The following H1-4 variants were observed in gnomAD, a reference collection of about 807,000 sequenced individuals.
H1-4 encodes histone H1.4.
A neutral mutation model predicts 7.2 loss-of-function variants in H1-4; 9 were observed. The observed-to-expected ratio is 1.25, with a 90% confidence interval of 0.75 to 2.18. The LOEUF is 2.18. Ranked by LOEUF, H1-4 falls within the 30% of genes most tolerant of loss-of-function variation. The pLI, the probability that H1-4 is intolerant of heterozygous loss-of-function variation, is 0.00. For missense variants in H1-4, 646 were observed against 287.9 expected (o/e 2.24, Z -9.00); for synonymous variants, 318 against 126.6 (o/e 2.51, Z -10.15).
Position 26,156,775 on chromosome 6 carries a change from A to G in H1-4, c.385A>G (p.Lys129Glu). 1 of 1,613,144 alleles carries G rather than the reference A, an allele frequency of 6.2e-7. No individual in the cohort carries two copies. The highest frequency in any genetic ancestry group is 1.3e-5 in the African/African-American group (1 of 75,048). ...TAAAAAGGCAGGCGCGGCCAAGGCC[A>G]AGAAGCCAGCAGGAGCGGCGAAGAA... Reference protein sequence around the residue: ...KAKKAGAAKAKKPAGAAKKPK... With the variant: ...KAKKAGAAKAEKPAGAAKKPK... Residue 129 changes from lysine to glutamate, a missense_variant, in exon 1 of 1, where the codon AAG (lysine) becomes GAG (glutamate). Transcript: ENST00000304218.
Position 26,156,523 on chromosome 6 carries a change from A to G in H1-4, c.133A>G (p.Thr45Ala), listed in dbSNP as rs951047896. The G allele has an allele frequency of 3.1e-6, 5 of 1,614,050 alleles. No individual in the cohort carries two copies. Among genetic ancestry groups the G allele is most frequent in the South Asian group, 1.1e-5 (1 of 91,084 alleles). Residue 45 changes from threonine (T) to alanine (A), a missense_variant, in exon 1 of 1, where the codon ACT (threonine) becomes GCT (alanine). Physicochemically the swap from Thr to Ala is moderately conservative, Grantham distance 58. Transcript: ENST00000304218. ...TGGGCCCCCGGTGTCCGAGCTCATT[A>G]CTAAAGCTGTTGCCGCCTCCAAGGA... Reference protein sequence around the residue: ...ASGPPVSELITKAVAASKERS... With the variant: ...ASGPPVSELIAKAVAASKERS...
chr6:26,156,406 C>T lies in H1-4; in HGVS notation c.16C>T (p.Pro6Ser). Residue 6 changes from proline to serine, a missense_variant, in exon 1 of 1, where the codon CCT (proline) becomes TCT (serine). By Grantham distance (74) the Pro-to-Ser change is moderately conservative. Coordinates refer to ENST00000304218, the MANE Select transcript of H1-4 (RefSeq NM_005321.3). ...TGCCTTCAACATGTCCGAGACTGCG[C>T]CTGCCGCGCCCGCTGCTCCGGCCCC... is the stretch of plus-strand genomic sequence containing the variant. Reference protein sequence around the residue: MSETAPAAPAAPAPAE... With the variant: MSETASAAPAAPAPAE... 1 of 1,586,964 alleles carries T rather than the reference C, an allele frequency of 6.3e-7. No individual in the cohort carries two copies. Among genetic ancestry groups the T allele is most frequent in the Non-Finnish European group, 8.6e-7 (1 of 1,166,396 alleles).
In H1-4 at chr6:26,156,745, A is replaced by G; in HGVS notation, c.355A>G (p.Lys119Glu). 6.2e-7 allele frequency: 1 copy of G among 1,614,002 alleles called. No individual in the cohort carries two copies. The change falls in exon 1 of 1, where the codon AAG becomes GAG. Residue 119 changes from lysine to glutamate, a missense_variant. Coordinates refer to ENST00000304218, the MANE Select transcript of H1-4 (RefSeq NM_005321.3). ...GGCGGCCTCTGGGGAAGCCAAGCCT[A>G]AGGCTAAAAAGGCAGGCGCGGCCAA... ...KKAASGEAKP[K>E]AKKAGAAKAK... is the part of the protein sequence containing the mutation.
rs1337544582 is a variant in H1-4, at chr6:26,156,732, G to C, written c.342G>C (p.Gly114=). The change falls in exon 1 of 1, where the codon GGG becomes GGC. Residue 114 remains glycine, a synonymous_variant. Coordinates refer to ENST00000304218, the MANE Select transcript of H1-4 (RefSeq NM_005321.3). The part of the protein sequence containing the change: ...SFKLNKKAAS[G]EAKPKAKKAG... ...AACTCAACAAGAAGGCGGCCTCTGG[G>C]GAAGCCAAGCCTAAGGCTAAAAAGG... The C allele has an allele frequency of 4.3e-6, 7 of 1,614,002 alleles. No homozygotes were observed. Among genetic ancestry groups the C allele is most frequent in the African/African-American group, 1.3e-5 (1 of 74,930 alleles).
At position 26,156,362 on chromosome 6, in the gene H1-4, A is replaced by G. The variant is rs768801627; in HGVS notation, c.-29A>G. The G allele has an allele frequency of 8.5e-6, 13 of 1,521,448 alleles. No homozygotes were observed. The Admixed American group carries it at 1.1e-4, about 13-fold the overall frequency. 94.2% of individuals were successfully genotyped at this position (1,521,448 alleles called of 1,614,324 possible). A position where few individuals can be genotyped will look rare whatever the true frequency, so the allele number is the denominator to read the frequency against. On this transcript the variant is annotated 5_prime_UTR_variant, in exon 1 of 1. Coordinates refer to ENST00000304218, the MANE Select transcript of H1-4 (RefSeq NM_005321.3). Reference sequence around the variant, plus strand: ...GGCCAGTGCCTCTGCTTCCGGCTCGAATTGCTCTCGCTCACGCTTGCCTTC... The same window carrying G: ...GGCCAGTGCCTCTGCTTCCGGCTCGGATTGCTCTCGCTCACGCTTGCCTTC...
rs1047740849 is a variant in H1-4 at position 26,156,550 on chromosome 6, C to A, written c.160C>A (p.Arg54Ser). 6.2e-7 allele frequency: 1 copy of A among 1,614,130 alleles called. No individual in the cohort carries two copies. Among genetic ancestry groups the A allele is most frequent in the Non-Finnish European group, 8.5e-7 (1 of 1,180,016 alleles). Residue 54 changes from arginine to serine, a missense_variant, in exon 1 of 1, where the codon CGC (arginine) becomes AGC (serine). By Grantham distance (110) the Arg-to-Ser change is moderately radical. Coordinates refer to ENST00000304218, the MANE Select transcript of H1-4 (RefSeq NM_005321.3). ...ITKAVAASKE[R>S]SGVSLAALKK... ...TAAAGCTGTTGCCGCCTCCAAGGAG[C>A]GCAGCGGCGTATCTTTGGCCGCTCT...
rs760832501 is a variant in H1-4, at chr6:26,156,831, CAAG to C, written c.446_448del (p.Lys149del). Reference sequence around the variant, plus strand: ...AGAAGGCGACGGGGGCGGCCACCCCCAAGAAGAGCGCCAAGAAGACCCCAAAGA... The same window carrying C: ...AGAAGGCGACGGGGGCGGCCACCCCCAAGAGCGCCAAGAAGACCCCAAAGA... On this transcript the variant is annotated inframe_deletion, in exon 1 of 1. Transcript: ENST00000304218. 8 of 1,606,552 alleles carry C rather than the reference CAAG, an allele frequency of 5.0e-6. No homozygotes were observed. Among genetic ancestry groups the C allele is most frequent in the East Asian group, 4.5e-5 (2 of 44,558 alleles).
In H1-4 at chr6:26,156,372, G is replaced by C. The variant is rs774751617; in HGVS notation, c.-19G>C. The C allele has an allele frequency of 1.3e-5, 20 of 1,533,320 alleles. No homozygotes were observed. The highest frequency in any genetic ancestry group is 1.6e-5 in the Non-Finnish European group (18 of 1,145,128). 95.0% of individuals were successfully genotyped at this position (1,533,320 alleles called of 1,614,324 possible). A position where few individuals can be genotyped will look rare whatever the true frequency, so the allele number is the denominator to read the frequency against. ...TCTGCTTCCGGCTCGAATTGCTCTC[G>C]CTCACGCTTGCCTTCAACATGTCCG... On this transcript the variant is annotated 5_prime_UTR_variant, in exon 1 of 1. Coordinates refer to ENST00000304218, the MANE Select transcript of H1-4 (RefSeq NM_005321.3).
rs568463058 is a variant in H1-4, at chr6:26,156,764, C to T, written c.374C>T (p.Ala125Val). The T allele has an allele frequency of 2.5e-5, 40 of 1,613,372 alleles. No homozygotes were observed. The highest frequency in any genetic ancestry group is 1.7e-4 in the Middle Eastern group (1 of 5,976). Residue 125 changes from alanine (A) to valine (V), a missense_variant, in exon 1 of 1, where the codon GCG becomes GTG. Physicochemically the swap from Ala to Val is moderately conservative, Grantham distance 64 (BLOSUM62 0). Transcript: ENST00000304218. ...EAKPKAKKAG[A>V]AKAKKPAGAA... ...AAGCCTAAGGCTAAAAAGGCAGGCG[C>T]GGCCAAGGCCAAGAAGCCAGCAGGA...
chr6:26,157,014 A>G lies in H1-4; in HGVS notation c.624A>G (p.Ala208=), dbSNP rs111653697. 1 of 1,587,068 alleles carries G rather than the reference A, an allele frequency of 6.3e-7. No individual in the cohort carries two copies. The highest frequency in any genetic ancestry group is 1.4e-5 in the African/African-American group (1 of 72,958). Residue 208 remains alanine (A), a synonymous_variant, in exon 1 of 1, where the codon GCA becomes GCG. Transcript: ENST00000304218. ...AACCAAAGACCGCCAAGCCCAAGGC[A>G]GCCAAGCCAAAGAAGGCGGCAGCCA... ...AAKPKTAKPK[A]AKPKKAAAKK... is the part of the protein sequence containing the mutation.
Position 26,156,360 on chromosome 6 carries a change from C to T in H1-4, c.-31C>T, listed in dbSNP as rs779960268. 23 of 1,518,314 alleles carry T rather than the reference C, an allele frequency of 1.5e-5. No homozygotes were observed. The highest frequency in any genetic ancestry group is 6.8e-5 in the East Asian group (3 of 44,090). 94.1% of individuals were successfully genotyped at this position (1,518,314 alleles called of 1,614,324 possible). On this transcript the variant is annotated 5_prime_UTR_variant, in exon 1 of 1. Transcript: ENST00000304218. Reference sequence around the variant, plus strand: ...CCGGCCAGTGCCTCTGCTTCCGGCTCGAATTGCTCTCGCTCACGCTTGCCT... The same window carrying T: ...CCGGCCAGTGCCTCTGCTTCCGGCTTGAATTGCTCTCGCTCACGCTTGCCT...
rs141942142 is a variant in H1-4 at position 26,156,530 on chromosome 6, C to A, written c.140C>A (p.Ala47Asp). Residue 47 changes from alanine (A) to aspartate (D), a missense_variant, in exon 1 of 1, where the codon GCT (alanine) becomes GAT (aspartate). Physicochemically the swap from Ala to Asp is moderately radical, Grantham distance 126. Coordinates refer to ENST00000304218, the MANE Select transcript of H1-4 (RefSeq NM_005321.3). ...GPPVSELITK[A>D]VAASKERSGV... ...CCGGTGTCCGAGCTCATTACTAAAGCTGTTGCCGCCTCCAAGGAGCGCAGC... is the reference window on the plus strand; with the variant it reads ...CCGGTGTCCGAGCTCATTACTAAAGATGTTGCCGCCTCCAAGGAGCGCAGC... 1 of 1,614,076 alleles carries A rather than the reference C, an allele frequency of 6.2e-7. No homozygotes were observed. The highest frequency in any genetic ancestry group is 1.7e-5 in the Admixed American group (1 of 60,024).
rs147799648 is a variant in H1-4 at position 26,156,996 on chromosome 6, G to A, written c.606G>A (p.Lys202=). The change falls in exon 1 of 1, where the codon AAG becomes AAA. Residue 202 remains lysine, a synonymous_variant. Coordinates refer to ENST00000304218, the MANE Select transcript of H1-4 (RefSeq NM_005321.3). ...TTAAACCCAAGGCGGCTAAACCAAAGACCGCCAAGCCCAAGGCAGCCAAGC... is the reference window on the plus strand; with the variant it reads ...TTAAACCCAAGGCGGCTAAACCAAAAACCGCCAAGCCCAAGGCAGCCAAGC... The part of the protein sequence containing the change: ...KAVKPKAAKP[K]TAKPKAAKPK... 4.7e-4 allele frequency: 753 copies of A among 1,604,222 alleles called. 3 individuals are homozygous for A. The highest frequency in any genetic ancestry group is 2.7e-3 in the Middle Eastern group (15 of 5,640).
In H1-4 at chr6:26,156,374, T is replaced by C; in HGVS notation, c.-17T>C. Reference sequence around the variant, plus strand: ...TGCTTCCGGCTCGAATTGCTCTCGCTCACGCTTGCCTTCAACATGTCCGAG... The same window carrying C: ...TGCTTCCGGCTCGAATTGCTCTCGCCCACGCTTGCCTTCAACATGTCCGAG... On this transcript the variant is annotated 5_prime_UTR_variant, in exon 1 of 1. Coordinates refer to ENST00000304218, the MANE Select transcript of H1-4 (RefSeq NM_005321.3). The C allele has an allele frequency of 6.5e-7, 1 of 1,536,796 alleles. No homozygotes were observed. The highest frequency in any genetic ancestry group is 8.7e-7 in the Non-Finnish European group (1 of 1,146,470).
chr6:26,156,929 A>C lies in H1-4; in HGVS notation c.539A>C (p.Lys180Thr), dbSNP rs748266271. Residue 180 changes from lysine to threonine, a missense_variant, in exon 1 of 1, where the codon AAG becomes ACG. By Grantham distance (78) the Lys-to-Thr change is moderately conservative. Transcript: ENST00000304218. ...AGCCCGAAAAAGGCGAAAGCAGCCA[A>C]GCCAAAAAAGGCGCCCAAGAGCCCA... ...AKSPKKAKAA[K>T]PKKAPKSPAK... is the part of the protein sequence containing the mutation. The C allele has an allele frequency of 4.3e-6, 7 of 1,612,250 alleles. No individual in the cohort carries two copies. Among genetic ancestry groups the C allele is most frequent in the African/African-American group, 1.3e-5 (1 of 75,006 alleles).
In H1-4 at chr6:26,157,010, AGGCAGCCAAGCCAAAGAAGGC is replaced by A. The variant is rs1764207310; in HGVS notation, c.631_651del (p.Pro211_Lys217del). The A allele has an allele frequency of 1.7e-5, 27 of 1,590,698 alleles. No individual in the cohort carries two copies. Among genetic ancestry groups the A allele is most frequent in the Non-Finnish European group, 2.3e-5 (27 of 1,174,334 alleles). Reference sequence around the variant, plus strand: ...GCTAAACCAAAGACCGCCAAGCCCAAGGCAGCCAAGCCAAAGAAGGCGGCAGCCAAGAAAAAGTAGAAAGTT... The same window carrying A: ...GCTAAACCAAAGACCGCCAAGCCCAAGGCAGCCAAGAAAAAGTAGAAAGTT... On this transcript the variant is annotated inframe_deletion, in exon 1 of 1. Coordinates refer to ENST00000304218, the MANE Select transcript of H1-4 (RefSeq NM_005321.3).
rs748345633 is a variant in H1-4 at position 26,157,097 on chromosome 6, C to T, written c.*47C>T. 2 of 1,551,956 alleles carry T rather than the reference C, an allele frequency of 1.3e-6. No homozygotes were observed. The highest frequency in any genetic ancestry group is 8.6e-7 in the Non-Finnish European group (1 of 1,158,366). On this transcript the variant is annotated 3_prime_UTR_variant, in exon 1 of 1. Coordinates refer to ENST00000304218, the MANE Select transcript of H1-4 (RefSeq NM_005321.3). ...TTAGAAGCCCAACACAACCCAAAGG[C>T]TCTTTTCAGAGCCACCCACCGCTCT... is the stretch of plus-strand genomic sequence containing the variant.
rs745355088 is a variant in H1-4, at chr6:26,156,615, GAAC to G, written c.230_232del (p.Asn77del). ...CAGCCGCTGGCTATGACGTGGAGAA[GAAC>G]AACAGCCGCATCAAGCTGGGTCTCA... On this transcript the variant is annotated inframe_deletion, in exon 1 of 1. Transcript: ENST00000304218. 6 of 1,614,128 alleles carry G rather than the reference GAAC, an allele frequency of 3.7e-6. No individual in the cohort carries two copies. Among genetic ancestry groups the G allele is most frequent in the Admixed American group, 1.7e-5 (1 of 60,010 alleles).
rs367955399 is a variant in H1-4 at position 26,157,067 on chromosome 6, A to T, written c.*17A>T. 2 of 1,575,968 alleles carry T rather than the reference A, an allele frequency of 1.3e-6. No homozygotes were observed. The highest frequency in any genetic ancestry group is 1.4e-5 in the African/African-American group (1 of 72,378). On this transcript the variant is annotated 3_prime_UTR_variant, in exon 1 of 1. Transcript: ENST00000304218. ...AAAAAGTAGAAAGTTCCTTTGGCCA[A>T]CTGCTTAGAAGCCCAACACAACCCA...
Sources: gnomAD v4.1 joint callset for allele counts on GRCh38, gnomAD v4.1.1 for gene constraint, MANE v1.5 for transcripts, NCBI Gene and HGNC (gene_info 2026-07-23, HGNC 2026-07-21) for gene names.